Variants in MROH9 observed in about 807,000 individuals in gnomAD.
MROH9 encodes maestro heat like repeat family member 9.
In MROH9, 92 loss-of-function variants were observed where a neutral mutation model predicts 98.2. The ratio of observed to expected loss-of-function variants is 0.94; its 90% confidence interval spans 0.79 to 1.11. The LOEUF (loss-of-function observed/expected upper bound fraction) is 1.11, where lower values mean the gene tolerates loss of function less well. Ranked by LOEUF, MROH9 falls within the 50% of genes most tolerant of loss-of-function variation. The probability of loss-of-function intolerance (pLI) is 0.00; values close to 1 mark genes in which losing one functional copy is unlikely to be tolerated. For missense variants in MROH9, 1,057 were observed against 1,014.8 expected, an observed-to-expected ratio of 1.04 and a Z score of -0.57; for synonymous variants, 397 against 368.9, an observed-to-expected ratio of 1.08 and a Z score of -0.87.
chr1:170,987,042 A>G (rs1452159934), intron 10 of MROH9, among the ~76,000 whole-genome samples: 1 of 145,180 alleles, frequency 6.9e-6, no homozygotes, highest in Non-Finnish European at 1.5e-5. Flanking sequence ...TTTTGTAGAG[A>G]TGGAGGTCTT....
intron 15 of MROH9, chr1:170,998,731 T>C: frequency 2.0e-6 from 2 of 1,001,594 alleles, no homozygotes. Flanking sequence ...TTGTGCCATG[T>C]ATTGTAATAC....
At chr1:171,042,004 C>A (rs373575933) in intron 20 of MROH9, among the ~76,000 whole-genome samples, 2 of 151,946 alleles carry the variant, frequency 1.3e-5, no homozygotes, top group Non-Finnish European at 2.9e-5. Flanking sequence ...AATCCAATCA[C>A]ACTATTTTAA....
chr1:171,000,786 A>G (rs896442963), intron 15 of MROH9, among the ~76,000 whole-genome samples: 1 of 152,020 alleles, frequency 6.6e-6, no homozygotes, highest in Admixed American at 6.6e-5. Flanking sequence ...TTCTTTCTCA[A>G]TCTTGTGGAA....
chr1:171,014,367 C>T (rs1433911759), intron 16 of MROH9, 113 bp downstream of exon 16: 1 of 941,010 alleles, frequency 1.1e-6, no homozygotes, highest in Non-Finnish European at 1.5e-6. Context: ...CTCTATATAA[C>T]TAAAACATAT....
chr1:170,994,390 T>C (rs1651476066), intron 12 of MROH9, among the ~76,000 whole-genome samples: 1 of 152,208 alleles, frequency 6.6e-6, no homozygotes, highest in South Asian at 2.1e-4. Context: ...TATTGCCTAA[T>C]TTATTGTATA....
At chr1:170,957,796 T>C (rs989218529) in intron 3 of MROH9, among the ~76,000 whole-genome samples, 1 of 86,008 alleles carries the variant, frequency 1.2e-5, no homozygotes, top group Non-Finnish European at 2.2e-5. Context: ...CATTTTTTTG[T>C]TTTTTTTTTT....
At chr1:170,943,714 G>A (rs1488468464) in intron 1 of MROH9, among the ~76,000 whole-genome samples, 1 of 151,838 alleles carries the variant, frequency 6.6e-6, no homozygotes, top group Non-Finnish European at 1.5e-5. Flanking sequence ...ATGGAACAAT[G>A]TCTGTAAAAT....
At chr1:171,021,396 T>G (rs2101839018) in intron 17 of MROH9, among the ~76,000 whole-genome samples, 1 of 152,254 alleles carries the variant, frequency 6.6e-6, no homozygotes, top group South Asian at 2.1e-4. Flanking sequence ...AACATGATAC[T>G]GGCACCAAAA....
intron 15 of MROH9, among the ~76,000 whole-genome samples, chr1:171,004,603 G>A (rs1456349862): frequency 1.3e-5 from 2 of 152,170 alleles, no homozygotes; most frequent in African/African-American, 4.8e-5. Context: ...CAGTATTTGG[G>A]GGTATCTTCC....
chr1:171,058,201 C>T (rs190385546), intron 20 of MROH9, among the ~76,000 whole-genome samples: 19 of 152,064 alleles, frequency 1.2e-4, no homozygotes, highest in African/African-American at 4.6e-4. Context: ...CAACAATAGA[C>T]AAGCAGAGAG....
At position 170,991,908 on chromosome 1, in the gene MROH9, T is replaced by C. The variant is rs74841964; in HGVS notation, c.1029-256T>C. Among the ~76,000 whole-genome samples the C allele has an allele frequency of 1.1e-3, 160 of 152,252 alleles. 2 individuals carry two copies. The highest frequency in any genetic ancestry group is 3.8e-3 in the African/African-American group (157 of 41,556). Reference sequence around the variant, plus strand: ...CAGTGAGCTAGACAGACATTTAAATTGCAGTAGAAATGAACTTGCAGACCA... The same window carrying C: ...CAGTGAGCTAGACAGACATTTAAATCGCAGTAGAAATGAACTTGCAGACCA... On this transcript the variant is annotated intron_variant, in intron 11 of 21. Coordinates refer to ENST00000367759, the MANE Select transcript of MROH9 (RefSeq NM_001163629.2).
chr1:170,963,115 T>C lies in MROH9; in HGVS notation c.375+1139T>C, dbSNP rs562080555. Among the ~76,000 whole-genome samples, 6 of 150,668 alleles carry C rather than the reference T, an allele frequency of 4.0e-5. No individual in the cohort carries two copies. In the East Asian group the frequency reaches 5.8e-4, roughly 15 times the overall value. ...ACAAAGGTCTAATATCCAGCATCTATAAGGAACTTAAGTTTACAAGAAAAA... is the reference window on the plus strand; with the variant it reads ...ACAAAGGTCTAATATCCAGCATCTACAAGGAACTTAAGTTTACAAGAAAAA... On this transcript the variant is annotated intron_variant, in intron 6 of 21. Coordinates refer to ENST00000367759, the MANE Select transcript of MROH9 (RefSeq NM_001163629.2).
chr1:170,996,525 G>A lies in MROH9; in HGVS notation c.1356G>A (p.Leu452=). 6.2e-7 allele frequency: 1 copy of A among 1,613,412 alleles called. No homozygotes were observed. The highest frequency in any genetic ancestry group is 8.5e-7 in the Non-Finnish European group (1 of 1,179,586). Residue 452 remains leucine (L), a synonymous_variant, in exon 14 of 22, where the codon CTG becomes CTA. Transcript: ENST00000367759. ...GCTTTAGGTATGCCCAGGATGCCCTGAGAGTTCTGCTGAATTGTTCTGGAC... is the reference window on the plus strand; with the variant it reads ...GCTTTAGGTATGCCCAGGATGCCCTAAGAGTTCTGCTGAATTGTTCTGGAC... ...KDRALYAQDA[L]RVLLNCSGLQ...
At chr1:171,026,858 C>T (rs1003503024) in intron 20 of MROH9, among the ~76,000 whole-genome samples, 3 of 151,876 alleles carry the variant, frequency 2.0e-5, no homozygotes, top group African/African-American at 7.3e-5. Flanking sequence ...AGTATAGACA[C>T]AAGCATACAG....
At chr1:171,048,923 G>A (rs1332986611) in intron 20 of MROH9, among the ~76,000 whole-genome samples, 2 of 152,142 alleles carry the variant, frequency 1.3e-5, no homozygotes, top group East Asian at 1.9e-4. Flanking sequence ...TTGGCCCAGG[G>A]TATGTTTAGA....
rs768330738 is a variant in MROH9, at chr1:170,995,439, G to C, written c.1245G>C (p.Ala415=). ...TGCCTCTTGGTTCCTACAGGAAAGC[G>C]GTGGCCCAGTATTTCCCCCAGCTCT... ...TFLPLGSYRK[A]VAQYFPQLLT... is the part of the protein sequence containing the mutation. Residue 415 remains alanine, a synonymous_variant, in exon 13 of 22, where the codon GCG becomes GCC. Coordinates refer to ENST00000367759, the MANE Select transcript of MROH9 (RefSeq NM_001163629.2). 1.2e-6 allele frequency: 2 copies of C among 1,613,308 alleles called. No individual in the cohort carries two copies. Among genetic ancestry groups the C allele is most frequent in the South Asian group, 1.1e-5 (1 of 91,072 alleles).
At chr1:170,960,410 TAGAA>T (rs1571452018) in intron 5 of MROH9, among the ~76,000 whole-genome samples, 1 of 152,084 alleles carries the variant, frequency 6.6e-6, no homozygotes, top group Admixed American at 6.6e-5. Flanking sequence ...CTTCCAATAC[TAGAA>T]AGAAAGAAAA....
At chr1:171,032,751 T>C (rs901143187) in intron 20 of MROH9, among the ~76,000 whole-genome samples, 1 of 152,172 alleles carries the variant, frequency 6.6e-6, no homozygotes, top group African/African-American at 2.4e-5. Context: ...TCTCACACAG[T>C]TGGGTACCAC....
At chr1:171,005,233 T>G (rs1471573872) in intron 15 of MROH9, among the ~76,000 whole-genome samples, 1 of 152,052 alleles carries the variant, frequency 6.6e-6, no homozygotes, top group Non-Finnish European at 1.5e-5. Flanking sequence ...CTTGGGTAAT[T>G]TTTGTATTTT....
Sources: allele counts gnomAD v4.1 joint callset (sites outside exome capture counted in the v4.1 genomes callset), GRCh38; gene constraint gnomAD v4.1.1; transcripts MANE v1.5; gene names NCBI Gene and HGNC (gene_info 2026-07-23, HGNC 2026-07-21).